Variants in PLXNA4 observed in about 807,000 individuals in gnomAD.
PLXNA4 encodes the protein plexin-A4.
Under a neutral mutation model 191.8 loss-of-function variants are expected in PLXNA4, and 44 were observed. The observed-to-expected ratio is 0.23, with a 90% CI of 0.18 to 0.29. The LOEUF (loss-of-function observed/expected upper bound fraction) is 0.29, where lower values mean the gene tolerates loss of function less well. Ranked by LOEUF, PLXNA4 falls within the 10% of genes least tolerant of loss-of-function variation. The probability of loss-of-function intolerance (pLI) is 1.00; values close to 1 mark genes in which losing one functional copy is unlikely to be tolerated. For missense variants in PLXNA4, 1,800 were observed against 2,488.8 expected (o/e 0.72, Z 5.89); for synonymous variants, 1,082 against 1,009.5 (o/e 1.07, Z -1.36).
intron 3 of PLXNA4, among the ~76,000 whole-genome samples, chr7:132,434,239 T>C (rs142893949): frequency 2.0e-5 from 3 of 152,286 alleles, no homozygotes; most frequent in African/African-American, 4.8e-5. Context: ...CTTTCCAAGC[T>C]CTCTTTTGGC....
Position 132,124,636 on chromosome 7 carries a change from A to G in PLXNA4, c.*5843T>C, listed in dbSNP as rs1370906116. On this transcript the variant is annotated 3_prime_UTR_variant, in exon 32 of 32. Coordinates refer to ENST00000321063, the MANE Select transcript of PLXNA4 (RefSeq NM_020911.2). Reference sequence around the variant, plus strand: ...GCGGAGGGAAAGCTTGGGTCTTCCCATGACCCATCCCTCACAGAGCCTCCT... The same window carrying G: ...GCGGAGGGAAAGCTTGGGTCTTCCCGTGACCCATCCCTCACAGAGCCTCCT... 1 of 152,242 alleles carries G rather than the reference A, an allele frequency of 6.6e-6. No individual in the cohort carries two copies. Among genetic ancestry groups the G allele is most frequent in the East Asian group, 1.9e-4 (1 of 5,194 alleles). 9.4% of individuals were successfully genotyped at this position (152,242 alleles called of 1,614,324 possible). A position where few individuals can be genotyped will look rare whatever the true frequency, so the allele number is the denominator to read the frequency against.
chr7:132,510,878 C>T (rs1446928833), intron 1 of PLXNA4, among the ~76,000 whole-genome samples: 6 of 152,144 alleles, frequency 3.9e-5, no homozygotes, highest in Non-Finnish European at 8.8e-5. Flanking sequence ...GAAGATGAGG[C>T]TGAAAAGAGA....
intron 29 of PLXNA4, 50 bp downstream of exon 29, chr7:132,145,069 C>G: frequency 6.2e-7 from 1 of 1,612,140 alleles, no homozygotes; most frequent in Non-Finnish European, 8.5e-7. Context: ...TAACTTGAGG[C>G]TGGGTGGGCT....
At position 132,228,461 on chromosome 7, in the gene PLXNA4, C is replaced by A; in HGVS notation, c.1613G>T (p.Arg538Leu). 6.2e-7 allele frequency: 1 copy of A among 1,614,128 alleles called. No homozygotes were observed. Among genetic ancestry groups the A allele is most frequent in the Non-Finnish European group, 8.5e-7 (1 of 1,180,020 alleles). ...GWCVLHNTCTRKERCERSKEP... is the reference protein window; with the variant it reads ...GWCVLHNTCTLKERCERSKEP... The stretch of plus-strand genomic sequence containing the variant: ...CTTGGACCGCTCACACCGCTCCTTC[C>A]GGGTGCAACTGGGAAGGACATACCC... Residue 538 changes from arginine to leucine, a missense_variant, in exon 6 of 32, where the codon CGG (arginine) becomes CTG (leucine). By Grantham distance (102) the Arg-to-Leu change is moderately radical. Coordinates refer to ENST00000321063, the MANE Select transcript of PLXNA4 (RefSeq NM_020911.2).
intron 2 of PLXNA4, among the ~76,000 whole-genome samples, chr7:132,611,796 C>A (rs947269064): frequency 2.0e-5 from 3 of 152,170 alleles, no homozygotes; most frequent in Non-Finnish European, 4.4e-5. Flanking sequence ...GACCTTGATG[C>A]TCTCAGCTAA....
At chr7:132,365,748 A>G (rs1051948714) in intron 3 of PLXNA4, among the ~76,000 whole-genome samples, 3 of 152,196 alleles carry the variant, frequency 2.0e-5, no homozygotes, top group African/African-American at 7.2e-5. Context: ...AGAAACCCAG[A>G]TCCCTGAGGA....
At chr7:132,619,827 GTCTCGCTCTA>G (rs201800837) in intron 2 of PLXNA4, among the ~76,000 whole-genome samples, 2,869 of 152,344 alleles carry the variant, frequency 0.019, 65 homozygotes, top group Middle Eastern at 0.065. Flanking sequence ...TTGAGACGGA[GTCTCGCTCTA>G]TTGCCCAGGC....
At chr7:132,547,996 C>A (rs1179448191) in intron 1 of PLXNA4, among the ~76,000 whole-genome samples, 1 of 152,138 alleles carries the variant, frequency 6.6e-6, no homozygotes, top group Non-Finnish European at 1.5e-5. Context: ...ACGAGTAGAT[C>A]TAATGCTGTT....
intron 4 of PLXNA4, among the ~76,000 whole-genome samples, chr7:132,272,326 A>C (rs1480146018): frequency 6.6e-6 from 1 of 152,238 alleles, no homozygotes; most frequent in African/African-American, 2.4e-5. Context: ...TTACAAGTAC[A>C]TTACAAACTT....
rs796099121 is a variant in PLXNA4 at position 132,260,486 on chromosome 7, C to T, written c.1504-19320G>A. Among the ~76,000 whole-genome samples the T allele has an allele frequency of 5.3e-5, 8 of 152,024 alleles. 1 individual carries two copies. Among genetic ancestry groups the T allele is most frequent in the African/African-American group, 1.9e-4 (8 of 41,456 alleles). ...ACACATGGGAACATAAAGATAAAGACGGGAACAACAGACGCCAGGGAGTAC... is the reference window on the plus strand; with the variant it reads ...ACACATGGGAACATAAAGATAAAGATGGGAACAACAGACGCCAGGGAGTAC... On this transcript the variant is annotated intron_variant, in intron 4 of 31. Transcript: ENST00000321063.
Position 132,473,921 on chromosome 7 carries a change from C to T in PLXNA4, c.1371+15371G>A, listed in dbSNP as rs148244118. On this transcript the variant is annotated intron_variant, in intron 3 of 31. Coordinates refer to ENST00000321063, the MANE Select transcript of PLXNA4 (RefSeq NM_020911.2). ...GGCCACCAAAATAAAACCTCTCCCA[C>T]CCAAGACAGCATGAACATTATTGTG... 1.4e-4 allele frequency among the ~76,000 whole-genome samples: 21 copies of T among 151,914 alleles called. No individual in the cohort carries two copies. The East Asian group carries it at 3.3e-3, about 24-fold the overall frequency.
chr7:132,226,080 G>C, intron 8 of PLXNA4, 81 bp downstream of exon 8: 1 of 1,332,916 alleles, frequency 7.5e-7, no homozygotes, highest in Non-Finnish European at 1.1e-6. Context: ...GTGACTCCCT[G>C]GGAATAGTGA....
intron 8 of PLXNA4, among the ~76,000 whole-genome samples, chr7:132,225,893 T>C (rs1798306302): frequency 6.6e-6 from 1 of 152,190 alleles, no homozygotes; most frequent in African/African-American, 2.4e-5. Context: ...GCTAGGGATG[T>C]GGAGAGCCCC....
intron 3 of PLXNA4, among the ~76,000 whole-genome samples, chr7:132,391,440 A>G (rs1240598740): frequency 6.6e-6 from 1 of 152,218 alleles, no homozygotes; most frequent in Non-Finnish European, 1.5e-5. Context: ...ACCCATGTGA[A>G]CTAATGGGCA....
intron 3 of PLXNA4, among the ~76,000 whole-genome samples, chr7:132,300,788 G>T (rs1801275885): frequency 6.6e-6 from 1 of 152,242 alleles, no homozygotes; most frequent in Non-Finnish European, 1.5e-5. Flanking sequence ...TGCCCTGGCT[G>T]GTCTCCAGCC....
chr7:132,487,064 A>G (rs1464410333), intron 3 of PLXNA4, among the ~76,000 whole-genome samples: 1 of 152,232 alleles, frequency 6.6e-6, no homozygotes, highest in Non-Finnish European at 1.5e-5. Flanking sequence ...TGGGTTTACA[A>G]TGCAGCCATG....
chr7:132,224,402 C>T (rs1393446218), intron 8 of PLXNA4, among the ~76,000 whole-genome samples: 1 of 152,240 alleles, frequency 6.6e-6, no homozygotes, highest in East Asian at 1.9e-4. Context: ...GGGCCCTTCT[C>T]CCGTGAATCT....
chr7:132,202,611 G>A (rs1379745624), intron 12 of PLXNA4, 35 bp downstream of exon 12: 4 of 1,439,398 alleles, frequency 2.8e-6, no homozygotes, highest in Admixed American at 2.5e-5. Flanking sequence ...CCTGGAGCCT[G>A]CCCATTTGGA....
intron 1 of PLXNA4, among the ~76,000 whole-genome samples, chr7:132,562,540 TCTC>T (rs1397960235): frequency 1.0e-4 from 7 of 67,266 alleles, no homozygotes; most frequent in Admixed American, 3.2e-4. Flanking sequence ...TTCTCCTCTT[TCTC>T]CTCCTCCTCC....
Sources: allele counts gnomAD v4.1 joint callset (sites outside exome capture counted in the v4.1 genomes callset), GRCh38; gene constraint gnomAD v4.1.1; transcripts MANE v1.5; gene names NCBI Gene and HGNC (gene_info 2026-07-23, HGNC 2026-07-21).